Variants in SLC6A20 observed in about 807,000 individuals in gnomAD.
The protein encoded by SLC6A20 is sodium- and chloride-dependent transporter XTRP3.
SLC6A20 carries 73 observed loss-of-function variants against 64.3 expected under a neutral mutation model. That is an observed-to-expected ratio of 1.14 (90% CI 0.94 to 1.38). The LOEUF is 1.38. Among genes scored for constraint, SLC6A20 ranks in the 40% most tolerant of loss-of-function variants. The pLI is 0.00. For missense variants in SLC6A20, 725 were observed against 772.8 expected (o/e 0.94, Z 0.73); for synonymous variants, 347 against 329.6 (o/e 1.05, Z -0.57).
At chr3:45,780,203 G>A (rs1700053840) in intron 2 of SLC6A20, 103 bp from the exon 3 acceptor site, 3 of 1,073,982 alleles carry the variant, frequency 2.8e-6, no homozygotes, top group Non-Finnish European at 4.1e-6. Context: ...ACCGCCCCGG[G>A]GTGGGCGAGG....
chr3:45,767,351 T>C (rs576380529), intron 7 of SLC6A20, among the ~76,000 whole-genome samples: 16 of 152,244 alleles, frequency 1.1e-4, no homozygotes, highest in South Asian at 2.1e-4. Flanking sequence ...CAATAAACTA[T>C]TGGGATGGAC....
Position 45,763,118 on chromosome 3 carries a change from C to A in SLC6A20, c.1304-46G>T, listed in dbSNP as rs530623175. 3.1e-6 allele frequency: 5 copies of A among 1,609,404 alleles called. No individual in the cohort carries two copies. In the South Asian group the frequency reaches 4.4e-5, roughly 14 times the overall value. ...TGCTCACCTGCCCGAGACCCCCCCA[C>A]TACTGCTTACCAGTTCTCTACAGGA... is the stretch of plus-strand genomic sequence containing the variant. On this transcript the variant is annotated intron_variant, in intron 8 of 10. Coordinates refer to ENST00000358525, the MANE Select transcript of SLC6A20 (RefSeq NM_020208.4).
At chr3:45,784,770 A>G (rs1430652226) in intron 1 of SLC6A20, among the ~76,000 whole-genome samples, 1 of 152,216 alleles carries the variant, frequency 6.6e-6, no homozygotes, top group Non-Finnish European at 1.5e-5. Flanking sequence ...AAGAACAGAA[A>G]TTTATTGGCT....
chr3:45,794,245 G>A (rs1056952928), intron 1 of SLC6A20, among the ~76,000 whole-genome samples: 2 of 152,200 alleles, frequency 1.3e-5, no homozygotes, highest in African/African-American at 4.8e-5. Flanking sequence ...GCTCATGGAA[G>A]TGTTTGGAAG....
chr3:45,780,091 C>A lies in SLC6A20; in HGVS notation c.272G>T (p.Ser91Ile). 6.3e-7 allele frequency: 1 copy of A among 1,591,698 alleles called. No individual in the cohort carries two copies. The highest frequency in any genetic ancestry group is 1.3e-5 in the African/African-American group (1 of 74,550). Residue 91 changes from serine (S) to isoleucine (I), a missense_variant, in exon 3 of 11, where the codon AGC (serine) becomes ATC (isoleucine). Physicochemically the swap from Ser to Ile is moderately radical, Grantham distance 142. Coordinates refer to ENST00000358525, the MANE Select transcript of SLC6A20 (RefSeq NM_020208.4). ...GGAGAGGAAGAAAGAGACCACCACG[C>A]TGGCGACCCCTGCGAGGAAGCAGAG... ...SPYLSGVGVASVVVSFFLSMY... is the reference protein window; with the variant it reads ...SPYLSGVGVAIVVVSFFLSMY...
At chr3:45,759,386 C>G (rs533351778) in intron 10 of SLC6A20, among the ~76,000 whole-genome samples, 1 of 151,982 alleles carries the variant, frequency 6.6e-6, no homozygotes. Flanking sequence ...TTGTTTGGAG[C>G]TACCCATAAT....
In SLC6A20 at chr3:45,765,910, C is replaced by G. The variant is rs567829326; in HGVS notation, c.1099-169G>C. On this transcript the variant is annotated intron_variant, in intron 7 of 10. Transcript: ENST00000358525. This position sits in a 1 kb window ranked among gnomAD's most constrained non-coding sequence, Gnocchi z 4.2. Reference sequence around the variant, plus strand: ...CCCCTTACACTCAGCTGGGCTGAAACGAAATGGGAGCTGCCAGGAGCTCAT... The same window carrying G: ...CCCCTTACACTCAGCTGGGCTGAAAGGAAATGGGAGCTGCCAGGAGCTCAT... 7.2e-6 allele frequency: 5 copies of G among 689,892 alleles called. No individual in the cohort carries two copies. The highest frequency in any genetic ancestry group is 3.6e-4 in the Middle Eastern group (1 of 2,754). The allele number at this position is 689,892 out of a possible 1,614,324, so 42.7% of individuals were successfully genotyped here.
At position 45,756,775 on chromosome 3, in the gene SLC6A20, AAAAG is replaced by A. The variant is rs1159444766; in HGVS notation, c.*2199_*2202del. On this transcript the variant is annotated 3_prime_UTR_variant, in exon 11 of 11. Transcript: ENST00000358525. ...AACGACCTACTTTATTGCAGTTAAA[AAAAG>A]AAAAATTTTTTTGAGAAAAGAAATA... The A allele has an allele frequency of 6.6e-6, 1 of 152,194 alleles. No homozygotes were observed. Among genetic ancestry groups the A allele is most frequent in the African/African-American group, 2.4e-5 (1 of 41,448 alleles). The allele number at this position is 152,194 out of a possible 1,614,324, so 9.4% of individuals were successfully genotyped here. A position where few individuals can be genotyped will look rare whatever the true frequency, so the allele number is the denominator to read the frequency against.
chr3:45,777,971 G>A (rs532659994), intron 3 of SLC6A20, among the ~76,000 whole-genome samples: 42 of 152,044 alleles, frequency 2.8e-4, no homozygotes, highest in South Asian at 6.2e-4. Flanking sequence ...CCTGCACCCC[G>A]CACCCCGCAA....
At chr3:45,781,129 G>T (rs928312621) in intron 2 of SLC6A20, among the ~76,000 whole-genome samples, 3 of 151,986 alleles carry the variant, frequency 2.0e-5, no homozygotes, top group Non-Finnish European at 4.4e-5. Context: ...GCTGAGGCAG[G>T]AGAAACGGTT....
chr3:45,779,245 A>T (rs1186956733), intron 3 of SLC6A20, among the ~76,000 whole-genome samples: 2 of 152,224 alleles, frequency 1.3e-5, no homozygotes, highest in Admixed American at 1.3e-4. Flanking sequence ...AGGTGGGGGC[A>T]GTGGAGGATG....
rs1164280882 is a variant in SLC6A20, at chr3:45,796,458, C to A, written c.-39G>T. On this transcript the variant is annotated 5_prime_UTR_variant, in exon 1 of 11. Transcript: ENST00000358525. ...GCGCGCTCGGCTCCGGCTCGGGGGT[C>A]CGGCACGGCAGTCTCAGTGCGCGGT... 6.3e-7 allele frequency: 1 copy of A among 1,593,676 alleles called. No homozygotes were observed. Among genetic ancestry groups the A allele is most frequent in the South Asian group, 1.1e-5 (1 of 89,222 alleles).
chr3:45,767,157 G>C (rs904713469), intron 7 of SLC6A20, among the ~76,000 whole-genome samples: 6 of 152,084 alleles, frequency 3.9e-5, no homozygotes, highest in Admixed American at 1.3e-4. Context: ...CACTTGTAGA[G>C]AACTTAAAAA....
chr3:45,760,200 G>T (rs1559560769), intron 9 of SLC6A20, among the ~76,000 whole-genome samples, 178 bp from the exon 10 acceptor site: 1 of 152,224 alleles, frequency 6.6e-6, no homozygotes, highest in Non-Finnish European at 1.5e-5. Flanking sequence ...GCGGTGGGGA[G>T]GGGAGAAGGG....
intron 1 of SLC6A20, among the ~76,000 whole-genome samples, chr3:45,788,627 T>TA (rs1700204832): frequency 6.6e-6 from 1 of 152,234 alleles, no homozygotes; most frequent in Non-Finnish European, 1.5e-5. Context: ...AGGTCCATGA[T>TA]ACCTAATAAC....
chr3:45,768,225 CTTTA>C (rs1008923977), intron 7 of SLC6A20, among the ~76,000 whole-genome samples: 28 of 151,292 alleles, frequency 1.9e-4, no homozygotes, highest in African/African-American at 6.6e-4. Flanking sequence ...TAACTTTAGA[CTTTA>C]TTAAGTTAAA....
In SLC6A20 at chr3:45,765,706, G is replaced by T; in HGVS notation, c.1134C>A (p.Tyr378Ter). 1 of 1,614,226 alleles carries T rather than the reference G, an allele frequency of 6.2e-7. No homozygotes were observed. Among genetic ancestry groups the T allele is most frequent in the Non-Finnish European group, 8.5e-7 (1 of 1,180,048 alleles). The change falls in exon 8 of 11, where the codon TAC becomes TAA. Residue 378 changes from tyrosine to a stop codon, truncating the protein, a stop_gained. Coordinates refer to ENST00000358525, the MANE Select transcript of SLC6A20 (RefSeq NM_020208.4). LOFTEE classifies it high-confidence loss of function. This position sits in a 1 kb window ranked among gnomAD's most constrained non-coding sequence, Gnocchi z 4.2. ...CCTCCATGTTTTTAATGGCCTCTGTGTAGACGATGAATGCCAGGCCAGTGC... is the reference window on the plus strand; with the variant it reads ...CCTCCATGTTTTTAATGGCCTCTGTTTAGACGATGAATGCCAGGCCAGTGC... ...VQGTGLAFIV[Y>*]TEAIKNMEVS...
intron 3 of SLC6A20, among the ~76,000 whole-genome samples, chr3:45,779,283 C>G (rs1700028847): frequency 6.6e-6 from 1 of 152,138 alleles, no homozygotes; most frequent in South Asian, 2.1e-4. Flanking sequence ...ACGGTAGGAG[C>G]CAGGTAACAG....
In SLC6A20 at chr3:45,758,826, G is replaced by C. The variant is rs1283015697; in HGVS notation, c.*152C>G. On this transcript the variant is annotated 3_prime_UTR_variant, in exon 11 of 11. Transcript: ENST00000358525. ...GGAGGGTGTGCGTTCTCCCAAGGGA[G>C]TTTTCTTCCTGCACACCTTCCTCAT... 5 of 1,367,090 alleles carry C rather than the reference G, an allele frequency of 3.7e-6. No individual in the cohort carries two copies. In the East Asian group the frequency reaches 1.4e-4, roughly 39 times the overall value. 84.7% of individuals were successfully genotyped at this position (1,367,090 alleles called of 1,614,324 possible).
Sources: gnomAD v4.1 joint callset for allele counts (sites outside exome capture counted in the v4.1 genomes callset) on GRCh38, gnomAD v4.1.1 for gene constraint, Gnocchi (gnomAD v3.1) non-coding constraint, MANE v1.5 for transcripts, NCBI Gene and HGNC (gene_info 2026-07-23, HGNC 2026-07-21) for gene names.